Variants in C3orf33 observed in about 807,000 individuals in gnomAD.
The protein encoded by C3orf33 is AP-1 activity suppressor.
A neutral mutation model predicts 28.7 loss-of-function variants in C3orf33; 23 were observed. The ratio of observed to expected loss-of-function variants is 0.80; its 90% CI spans 0.58 to 1.13. The LOEUF is 1.13. Ranked by LOEUF, C3orf33 falls within the 50% of genes most tolerant of loss-of-function variation. The pLI is 0.00. For synonymous variants in C3orf33, 119 were observed against 120.5 expected, an observed-to-expected ratio of 0.99 and a Z score of 0.08; for missense variants, 327 against 353.4, an observed-to-expected ratio of 0.93 and a Z score of 0.60.
rs539638190 is a variant in C3orf33, at chr3:155,774,023, C to T, written c.322+1678G>A. On this transcript the variant is annotated intron_variant, in intron 3 of 4. Transcript: ENST00000340171. ...TCCTTTACAGTTGTACATTATTGAACAGAGTGATATTCGTTCAACTCGGGA... is the reference window on the plus strand; with the variant it reads ...TCCTTTACAGTTGTACATTATTGAATAGAGTGATATTCGTTCAACTCGGGA... Among the ~76,000 whole-genome samples the T allele has an allele frequency of 4.6e-5, 7 of 152,226 alleles. No homozygotes were observed. The East Asian group carries it at 7.7e-4, about 17-fold the overall frequency.
intron 3 of C3orf33, among the ~76,000 whole-genome samples, chr3:155,774,987 C>A (rs148804126): frequency 6.6e-6 from 1 of 152,114 alleles, no homozygotes; most frequent in Non-Finnish European, 1.5e-5. Context: ...CAAGACCACC[C>A]AGAATTATCC....
intron 2 of C3orf33, among the ~76,000 whole-genome samples, chr3:155,782,229 G>C (rs997755181): frequency 8.9e-5 from 13 of 145,366 alleles, no homozygotes; most frequent in Non-Finnish European, 1.4e-4. Context: ...AAAGATTGAA[G>C]AAAAGGGAAC....
intron 2 of C3orf33, among the ~76,000 whole-genome samples, chr3:155,776,759 C>CAAAAAAAAAAAAAAAAAAAAAAAA (rs10654812): frequency 3.2e-4 from 28 of 86,918 alleles, no homozygotes; most frequent in Non-Finnish European, 4.8e-4. Flanking sequence ...CTGACTCTGT[C>CAAAAAAAAAAAAAAAAAAAAAAAA]AAAAAAAAAA....
intron 2 of C3orf33, among the ~76,000 whole-genome samples, chr3:155,785,187 A>C (rs907611586): frequency 3.3e-5 from 5 of 152,134 alleles, no homozygotes; most frequent in Non-Finnish European, 7.4e-5. Flanking sequence ...TAATAATTAT[A>C]AATATTTATG....
At chr3:155,776,971 G>T (rs908172342) in intron 2 of C3orf33, among the ~76,000 whole-genome samples, 3 of 151,876 alleles carry the variant, frequency 2.0e-5, no homozygotes, top group Non-Finnish European at 2.9e-5. Flanking sequence ...TGAGATTTAA[G>T]AAATAAATAA....
At chr3:155,783,929 GTTT>G (rs550660072) in intron 2 of C3orf33, among the ~76,000 whole-genome samples, 1 of 145,708 alleles carries the variant, frequency 6.9e-6, no homozygotes, top group African/African-American at 2.5e-5. Context: ...TTTGTTTGGG[GTTT>G]TTTTTTTGTT....
chr3:155,778,141 CAAAAAAA>C (rs55700532), intron 2 of C3orf33, among the ~76,000 whole-genome samples: 4 of 75,784 alleles, frequency 5.3e-5, no homozygotes, highest in East Asian at 4.7e-4. Context: ...AACTCCATTT[CAAAAAAA>C]AAAAAAAAAA....
chr3:155,797,843 G>A (rs1348892130), intron 2 of C3orf33, among the ~76,000 whole-genome samples: 1 of 152,012 alleles, frequency 6.6e-6, no homozygotes, highest in African/African-American at 2.4e-5. Flanking sequence ...GGCCGAGGTG[G>A]GCAGATCACT....
intron 3 of C3orf33, among the ~76,000 whole-genome samples, chr3:155,769,823 G>A (rs1045816842): frequency 2.6e-5 from 4 of 152,164 alleles, no homozygotes; most frequent in African/African-American, 9.7e-5. Context: ...AAACCAAGCT[G>A]CAAGTCTCAG....
At chr3:155,774,666 CTT>C (rs62815064) in intron 3 of C3orf33, among the ~76,000 whole-genome samples, 17,862 of 95,530 alleles carry the variant, frequency 0.19, 1,192 homozygotes, top group African/African-American at 0.24. Flanking sequence ...TATTGTTTTG[CTT>C]TTTTTTTTTT....
chr3:155,776,759 C>CAAAAAAAAAAAGAAAAAAAA (rs1750760638), intron 2 of C3orf33, among the ~76,000 whole-genome samples: 1 of 86,890 alleles, frequency 1.2e-5, no homozygotes, highest in African/African-American at 4.2e-5. Flanking sequence ...CTGACTCTGT[C>CAAAAAAAAAAAGAAAAAAAA]AAAAAAAAAA....
At chr3:155,796,613 A>G (rs1645948151) in intron 2 of C3orf33, among the ~76,000 whole-genome samples, 1 of 152,176 alleles carries the variant, frequency 6.6e-6, no homozygotes. Flanking sequence ...ATAAATACCA[A>G]TCCTACTCAA....
chr3:155,762,880 A>G lies in C3orf33; in HGVS notation c.*637T>C. 6.6e-6 allele frequency: 1 copy of G among 151,978 alleles called. No individual in the cohort carries two copies. Among genetic ancestry groups the G allele is most frequent in the Non-Finnish European group, 1.5e-5 (1 of 67,998 alleles). The allele number at this position is 151,978 out of a possible 1,614,324, so 9.4% of individuals were successfully genotyped here. ...GCGAAACTCCATGTCAAAACAAAAA[A>G]AGCCGGGCTTGGTAGCTCACGCCTG... On this transcript the variant is annotated 3_prime_UTR_variant, in exon 5 of 5. Coordinates refer to ENST00000340171, the MANE Select transcript of C3orf33 (RefSeq NM_001308229.2).
intron 2 of C3orf33, among the ~76,000 whole-genome samples, chr3:155,783,822 CTT>C (rs1326498564): frequency 6.6e-6 from 1 of 152,064 alleles, no homozygotes; most frequent in Non-Finnish European, 1.5e-5. Context: ...ATTATTGTAA[CTT>C]TGGTTTTTAA....
At chr3:155,771,044 T>TGA (rs1750574447) in intron 3 of C3orf33, among the ~76,000 whole-genome samples, 1 of 146,930 alleles carries the variant, frequency 6.8e-6, no homozygotes, top group African/African-American at 2.7e-5. Context: ...TGTGTGTGTG[T>TGA]GTGTGTGTGT....
intron 2 of C3orf33, among the ~76,000 whole-genome samples, chr3:155,783,393 GATCCACCCACCTC>G (rs1351054536): frequency 1.3e-5 from 2 of 151,310 alleles, no homozygotes; most frequent in African/African-American, 4.8e-5. Context: ...GACCTCAGGT[GATCCACCCACCTC>G]ATCCACCCAA....
intron 3 of C3orf33, among the ~76,000 whole-genome samples, chr3:155,774,495 CTGGGTGCTTTGATG>C (rs965454747): frequency 6.6e-6 from 1 of 152,056 alleles, no homozygotes; most frequent in African/African-American, 2.4e-5. Context: ...GTCTGTGTGT[CTGGGTGCTTTGATG>C]TGAAGCAAGG....
intron 2 of C3orf33, among the ~76,000 whole-genome samples, chr3:155,788,911 C>T (rs1045430426): frequency 3.3e-5 from 5 of 152,220 alleles, no homozygotes; most frequent in South Asian, 2.1e-4. Flanking sequence ...ACAGATTATA[C>T]GATCTTATAT....
In C3orf33 at chr3:155,763,297, AG is replaced by A. The variant is rs1465922131; in HGVS notation, c.*219del. On this transcript the variant is annotated 3_prime_UTR_variant, in exon 5 of 5. Coordinates refer to ENST00000340171, the MANE Select transcript of C3orf33 (RefSeq NM_001308229.2). The stretch of plus-strand genomic sequence containing the variant: ...CATTCAGCCTGGTAACTTCTCATAA[AG>A]TGTTTCATCCTTCCTAAAATCATAT... 5.6e-6 allele frequency: 2 copies of A among 357,238 alleles called. No individual in the cohort carries two copies. Among genetic ancestry groups the A allele is most frequent in the African/African-American group, 4.2e-5 (2 of 47,564 alleles). 22.1% of individuals were successfully genotyped at this position (357,238 alleles called of 1,614,324 possible).
Sources: allele counts gnomAD v4.1 joint callset (sites outside exome capture counted in the v4.1 genomes callset), GRCh38; gene constraint gnomAD v4.1.1; transcripts MANE v1.5; gene names NCBI Gene and HGNC (gene_info 2026-07-23, HGNC 2026-07-21).